The following VPS37B variants were observed in gnomAD, a reference collection of about 807,000 sequenced individuals.
The protein encoded by VPS37B is VPS37B subunit of ESCRT-I.
In VPS37B, 11 loss-of-function variants were observed where a neutral mutation model predicts 21.2. That is an observed-to-expected ratio of 0.52 (90% CI 0.33 to 0.86). The LOEUF (loss-of-function observed/expected upper bound fraction) is 0.86. Ranked by LOEUF, VPS37B falls within the 40% of genes least tolerant of loss-of-function variation. The pLI is 0.03. For synonymous variants in VPS37B, 175 were observed against 159.6 expected, an observed-to-expected ratio of 1.10 and a Z score of -0.73; for missense variants, 389 against 374.8, an observed-to-expected ratio of 1.04 and a Z score of -0.31.
At chr12:122,891,905 G>A (rs564905599) in intron 1 of VPS37B, among the ~76,000 whole-genome samples, 3 of 152,270 alleles carry the variant, frequency 2.0e-5, no homozygotes, top group Admixed American at 6.5e-5. Flanking sequence ...TTTTGCATGC[G>A]GGCATGGGCA....
intron 1 of VPS37B, chr12:122,888,428 A>G: frequency 2.5e-6 from 1 of 393,786 alleles, no homozygotes; most frequent in Non-Finnish European, 5.2e-6. Context: ...GAAATAAACC[A>G]ACGAGAACTC....
chr12:122,892,858 C>T (rs968178205), intron 1 of VPS37B, among the ~76,000 whole-genome samples: 2 of 152,172 alleles, frequency 1.3e-5, no homozygotes, highest in African/African-American at 4.8e-5. Context: ...GTTAGGAGTT[C>T]AAAACCAGCC....
chr12:122,872,928 C>T (rs1300510546), intron 1 of VPS37B: 3 of 154,760 alleles, frequency 1.9e-5, no homozygotes, highest in East Asian at 1.9e-4. Flanking sequence ...CCAGCCAGGC[C>T]GCAAAATACC....
rs747505752 is a variant in VPS37B, at chr12:122,867,090, T to C, written c.*26A>G. ...AGCACAACACGCCAGGTGGAAGAAG[T>C]CTCCCGGGAAGGACCGCGCCGGCGC... On this transcript the variant is annotated 3_prime_UTR_variant, in exon 4 of 4. Coordinates refer to ENST00000267202, the MANE Select transcript of VPS37B (RefSeq NM_024667.3). The surrounding 1 kb of genome is among the most constrained non-coding windows in gnomAD (Gnocchi z 5.5). 2.7e-6 allele frequency: 4 copies of C among 1,495,988 alleles called. No homozygotes were observed. The highest frequency in any genetic ancestry group is 1.4e-5 in the African/African-American group (1 of 71,336). The allele number at this position is 1,495,988 out of a possible 1,614,324, so 92.7% of individuals were successfully genotyped here.
At chr12:122,892,230 T>C (rs534228895) in intron 1 of VPS37B, among the ~76,000 whole-genome samples, 4 of 152,218 alleles carry the variant, frequency 2.6e-5, no homozygotes, top group Non-Finnish European at 4.4e-5. Flanking sequence ...ATTTAGGGAA[T>C]TGCATAATGA....
chr12:122,878,633 CTTTTTTTTTTTTTT>C (rs34296385), intron 1 of VPS37B: 1 of 83,720 alleles, frequency 1.2e-5, no homozygotes, highest in Non-Finnish European at 2.2e-5. Context: ...GACAAGAGTC[CTTTTTTTTTTTTTT>C]TTTTTTTTTG....
At chr12:122,869,465 A>G (rs2033978802) in intron 2 of VPS37B, among the ~76,000 whole-genome samples, 2 of 152,258 alleles carry the variant, frequency 1.3e-5, no homozygotes, top group Admixed American at 6.5e-5. Flanking sequence ...GGCACCTCAC[A>G]GCACTTGGTA....
intron 1 of VPS37B, among the ~76,000 whole-genome samples, chr12:122,894,582 G>T (rs1836562398): frequency 6.6e-6 from 1 of 152,224 alleles, no homozygotes; most frequent in African/African-American, 2.4e-5. Flanking sequence ...GCGTGGGAAG[G>T]CTCAGACTTC....
intron 1 of VPS37B, chr12:122,885,296 T>C (rs1161847455): frequency 2.0e-5 from 3 of 152,198 alleles, no homozygotes; most frequent in Non-Finnish European, 4.4e-5. Flanking sequence ...TTTAACGTAT[T>C]TGTTTTAAAC....
At chr12:122,881,220 C>T (rs2034242334) in intron 1 of VPS37B, 2 of 152,208 alleles carry the variant, frequency 1.3e-5, no homozygotes, top group African/African-American at 2.4e-5. Flanking sequence ...GACAGTGAGA[C>T]AAATTTGTCC....
At chr12:122,895,807 A>C (rs1593931149) in intron 1 of VPS37B, 145 bp downstream of exon 1, 95 of 502,554 alleles carry the variant, frequency 1.9e-4, no homozygotes, top group East Asian at 3.4e-4. Flanking sequence ...TGGCTCCCGC[A>C]CCCCGCCCCA....
At chr12:122,894,780 A>C (rs1464807320) in intron 1 of VPS37B, among the ~76,000 whole-genome samples, 2 of 152,206 alleles carry the variant, frequency 1.3e-5, no homozygotes, top group African/African-American at 4.8e-5. Flanking sequence ...ACCACACCTC[A>C]AGGTGTGAAG....
chr12:122,891,160 G>A (rs896984625), intron 1 of VPS37B, among the ~76,000 whole-genome samples: 7 of 152,168 alleles, frequency 4.6e-5, no homozygotes, highest in Admixed American at 6.5e-5. Context: ...GTCAACTACT[G>A]GTATCAAAAG....
chr12:122,880,444 T>G (rs1209367248), intron 1 of VPS37B: 1 of 152,160 alleles, frequency 6.6e-6, no homozygotes, highest in African/African-American at 2.4e-5. Context: ...GACGCTTCTC[T>G]TCACTGAAAT....
chr12:122,876,117 C>T (rs1192761391), intron 1 of VPS37B: 1 of 152,164 alleles, frequency 6.6e-6, no homozygotes. Flanking sequence ...TAGGACCTGG[C>T]TTGTCTAAAC....
Position 122,866,455 on chromosome 12 carries a change from T to C in VPS37B, c.*661A>G, listed in dbSNP as rs1054914670. The C allele has an allele frequency of 6.6e-6, 1 of 152,460 alleles. No homozygotes were observed. The highest frequency in any genetic ancestry group is 2.4e-5 in the African/African-American group (1 of 41,470). The allele number at this position is 152,460 out of a possible 1,614,324, so 9.4% of individuals were successfully genotyped here. A position where few individuals can be genotyped will look rare whatever the true frequency, so the allele number is the denominator to read the frequency against. ...GAGGAGCTGGGGACACAATTTGCTG[T>C]GCAAAGTCCCACTCGTGCGCTCCCC... On this transcript the variant is annotated 3_prime_UTR_variant, in exon 4 of 4. Transcript: ENST00000267202.
chr12:122,892,247 G>A (rs2034424379), intron 1 of VPS37B, among the ~76,000 whole-genome samples: 2 of 152,178 alleles, frequency 1.3e-5, no homozygotes. Flanking sequence ...ATGAACAGGA[G>A]GAACAGGAAG....
At chr12:122,869,200 TTTA>T (rs776245736) in intron 2 of VPS37B, among the ~76,000 whole-genome samples, 13 of 152,370 alleles carry the variant, frequency 8.5e-5, no homozygotes, top group East Asian at 5.8e-4. Flanking sequence ...GACGGACATT[TTTA>T]TTGTTTCCAA....
chr12:122,872,007 C>T, intron 1 of VPS37B: 1 of 985,438 alleles, frequency 1.0e-6, no homozygotes. Flanking sequence ...CCCTGTTTCT[C>T]TTTAAGCAGC....
Sources: gnomAD v4.1 joint callset for allele counts (sites outside exome capture counted in the v4.1 genomes callset) on GRCh38, gnomAD v4.1.1 for gene constraint, Gnocchi (gnomAD v3.1) non-coding constraint, MANE v1.5 for transcripts, NCBI Gene and HGNC (gene_info 2026-07-23, HGNC 2026-07-21) for gene names.